NUDT3: variants seen among roughly 807,000 people sequenced by gnomAD.
NUDT3 encodes the protein nudix hydrolase 3.
NUDT3 carries 9 observed loss-of-function variants against 23.6 expected under a neutral mutation model. The ratio of observed to expected loss-of-function variants is 0.38; its 90% CI spans 0.23 to 0.66. The LOEUF is 0.66. NUDT3 is among the 30% of genes least tolerant of loss of function. NUDT3 has a pLI of 0.52. For missense variants in NUDT3, 172 were observed against 218.5 expected (o/e 0.79, Z 1.34); for synonymous variants, 86 against 82.6 (o/e 1.04, Z -0.22).
chr6:34,286,359 G>C lies in NUDT3; in HGVS notation c.*2394C>G, dbSNP rs961129147. Reference sequence around the variant, plus strand: ...GCCTCCCAAAGTGCTGGGATTACAGGTGTGAGCCACTACACCCAGCCCTGC... The same window carrying C: ...GCCTCCCAAAGTGCTGGGATTACAGCTGTGAGCCACTACACCCAGCCCTGC... On this transcript the variant is annotated 3_prime_UTR_variant, in exon 5 of 5. Coordinates refer to ENST00000607016, the MANE Select transcript of NUDT3 (RefSeq NM_006703.4). The C allele has an allele frequency of 6.6e-6, 1 of 152,268 alleles. No homozygotes were observed. The highest frequency in any genetic ancestry group is 1.5e-5 in the Non-Finnish European group (1 of 68,116). 9.4% of individuals were successfully genotyped at this position (152,268 alleles called of 1,614,324 possible).
At position 34,368,787 on chromosome 6, in the gene NUDT3, C is replaced by T. The variant is rs554054326; in HGVS notation, c.99+23477G>A. On this transcript the variant is annotated intron_variant, in intron 1 of 4. Transcript: ENST00000607016. ...CTGAGTAGCTCAGACTACAGGCTCC[C>T]GCCACCACACCTGGCTCATTTTTTG... 4.5e-4 allele frequency among the ~76,000 whole-genome samples: 68 copies of T among 152,210 alleles called. 1 individual carries two copies. In the South Asian group the frequency reaches 9.8e-3, roughly 22 times the overall value.
At chr6:34,387,247 A>T (rs1479396020) in intron 1 of NUDT3, among the ~76,000 whole-genome samples, 1 of 147,818 alleles carries the variant, frequency 6.8e-6, no homozygotes, top group Non-Finnish European at 1.5e-5. Flanking sequence ...CTATTTTTTT[A>T]AAAAGTTAAT....
chr6:34,326,504 C>A (rs1764032436), intron 2 of NUDT3, among the ~76,000 whole-genome samples: 1 of 152,156 alleles, frequency 6.6e-6, no homozygotes, highest in South Asian at 2.1e-4. Context: ...TCTTTTTAAT[C>A]CATATGCAGA....
intron 1 of NUDT3, among the ~76,000 whole-genome samples, chr6:34,383,143 A>G (rs906112967): frequency 1.3e-5 from 2 of 151,056 alleles, no homozygotes; most frequent in African/African-American, 4.9e-5. Context: ...AAAAAAAAAA[A>G]GGAAAAAAGA....
At chr6:34,305,000 TGA>T (rs1763658862) in intron 2 of NUDT3, among the ~76,000 whole-genome samples, 1 of 124,374 alleles carries the variant, frequency 8.0e-6, no homozygotes, top group African/African-American at 2.9e-5. Context: ...TTTTTTTTTT[TGA>T]GACAGAGTCT....
At chr6:34,389,963 CAAA>C (rs112723844) in intron 1 of NUDT3, among the ~76,000 whole-genome samples, 3 of 128,232 alleles carry the variant, frequency 2.3e-5, no homozygotes, top group Non-Finnish European at 1.7e-5. Flanking sequence ...GACTCTGTCT[CAAA>C]AAAAAAAAAA....
chr6:34,312,854 T>C (rs752045474), intron 2 of NUDT3, among the ~76,000 whole-genome samples: 8 of 152,154 alleles, frequency 5.3e-5, no homozygotes, highest in Non-Finnish European at 1.0e-4. Flanking sequence ...AGAAATGAAC[T>C]ATCAAGTTAT....
At position 34,305,756 on chromosome 6, in the gene NUDT3, A is replaced by G. The variant is rs149723644; in HGVS notation, c.211-10071T>C. ...TCTTCTGCTCTATTTGCTTATTTCTATGATGATTTGTGCTTTAACTCATGG... is the reference window on the plus strand; with the variant it reads ...TCTTCTGCTCTATTTGCTTATTTCTGTGATGATTTGTGCTTTAACTCATGG... On this transcript the variant is annotated intron_variant, in intron 2 of 4. Transcript: ENST00000607016. Among the ~76,000 whole-genome samples the G allele has an allele frequency of 1.2e-3, 183 of 152,274 alleles. 1 individual carries two copies. The East Asian group carries it at 0.013, about 11-fold the overall frequency.
intron 2 of NUDT3, among the ~76,000 whole-genome samples, chr6:34,299,037 A>G (rs1227396407): frequency 6.6e-6 from 1 of 152,082 alleles, no homozygotes; most frequent in East Asian, 1.9e-4. Flanking sequence ...CTTTTTCACA[A>G]TTTTCCCAGA....
rs1376880088 is a variant in NUDT3 at position 34,284,617 on chromosome 6, G to A, written c.*4136C>T. 6.7e-6 allele frequency: 1 copy of A among 149,838 alleles called. No homozygotes were observed. The highest frequency in any genetic ancestry group is 1.5e-5 in the Non-Finnish European group (1 of 67,692). The allele number at this position is 149,838 out of a possible 1,614,324, so 9.3% of individuals were successfully genotyped here. ...TACTAGATGAAAATGAGAAATATGT[G>A]AAGGATAACATGTGAAATGTACACT... On this transcript the variant is annotated 3_prime_UTR_variant, in exon 5 of 5. Coordinates refer to ENST00000607016, the MANE Select transcript of NUDT3 (RefSeq NM_006703.4).
chr6:34,306,398 T>TG (rs1221109131), intron 2 of NUDT3, among the ~76,000 whole-genome samples: 3 of 152,264 alleles, frequency 2.0e-5, no homozygotes, highest in Admixed American at 1.3e-4. Context: ...ATCCAGCAGC[T>TG]GTTGGTAGTT....
At chr6:34,354,817 T>C (rs1046464314) in intron 1 of NUDT3, among the ~76,000 whole-genome samples, 9 of 148,818 alleles carry the variant, frequency 6.0e-5, no homozygotes, top group Non-Finnish European at 1.3e-4. Context: ...TTGTATTTTA[T>C]ATATTTATTT....
chr6:34,354,647 C>G (rs895181472), intron 1 of NUDT3, among the ~76,000 whole-genome samples: 1 of 149,910 alleles, frequency 6.7e-6, no homozygotes, highest in African/African-American at 2.5e-5. Context: ...TTCTTGAACC[C>G]GGGAGGCGGA....
At chr6:34,353,261 CCTTT>C (rs1425984629) in intron 1 of NUDT3, among the ~76,000 whole-genome samples, 2 of 152,116 alleles carry the variant, frequency 1.3e-5, no homozygotes, top group Non-Finnish European at 2.9e-5. Flanking sequence ...AGAGCCCCTT[CCTTT>C]TTTTAAATAA....
chr6:34,361,026 C>T (rs540460685), intron 1 of NUDT3, among the ~76,000 whole-genome samples: 1 of 152,226 alleles, frequency 6.6e-6, no homozygotes, highest in South Asian at 2.1e-4. Flanking sequence ...AGTTTGACAT[C>T]ACTCTGGGCA....
chr6:34,287,663 C>T lies in NUDT3; in HGVS notation c.*1090G>A, dbSNP rs1292659094. On this transcript the variant is annotated 3_prime_UTR_variant, in exon 5 of 5. Coordinates refer to ENST00000607016, the MANE Select transcript of NUDT3 (RefSeq NM_006703.4). ...CAGGGACAGGACTACATTGATGCAC[C>T]TGCAAAGTAAAGTTGGATGCTTCAG... 1 of 152,224 alleles carries T rather than the reference C, an allele frequency of 6.6e-6. No homozygotes were observed. 9.4% of individuals were successfully genotyped at this position (152,224 alleles called of 1,614,324 possible). A position where few individuals can be genotyped will look rare whatever the true frequency, so the allele number is the denominator to read the frequency against.
At chr6:34,313,663 TAAA>T (rs555768374) in intron 2 of NUDT3, among the ~76,000 whole-genome samples, 2 of 144,250 alleles carry the variant, frequency 1.4e-5, no homozygotes, top group Non-Finnish European at 3.1e-5. Flanking sequence ...TAAAACGGCT[TAAA>T]AAAAAAAAAG....
At chr6:34,339,802 T>G (rs1581875539) in intron 2 of NUDT3, among the ~76,000 whole-genome samples, 1 of 152,362 alleles carries the variant, frequency 6.6e-6, no homozygotes, top group Middle Eastern at 3.4e-3. Context: ...CCATTCTTTT[T>G]TAGAGTAAAC....
Position 34,392,665 on chromosome 6 carries a change from G to C in NUDT3, c.-303C>G, listed in dbSNP as rs1048839944. ...GCCATCTTGGGCGCGATGCGTCAGC[G>C]GCGTAAGGCTGCACCGGCCTGCGGG... On this transcript the variant is annotated 5_prime_UTR_variant, in exon 1 of 5. Transcript: ENST00000607016. 5.1e-6 allele frequency: 1 copy of C among 194,902 alleles called. No homozygotes were observed. Among genetic ancestry groups the C allele is most frequent in the Non-Finnish European group, 1.0e-5 (1 of 96,140 alleles). The allele number at this position is 194,902 out of a possible 1,614,324, so 12.1% of individuals were successfully genotyped here. A position where few individuals can be genotyped will look rare whatever the true frequency, so the allele number is the denominator to read the frequency against.
Sources: gnomAD v4.1 joint callset for allele counts (sites outside exome capture counted in the v4.1 genomes callset) on GRCh38, gnomAD v4.1.1 for gene constraint, MANE v1.5 for transcripts, NCBI Gene and HGNC (gene_info 2026-07-23, HGNC 2026-07-21) for gene names.